Variants in USP53 observed in about 807,000 individuals in gnomAD.
USP53 encodes the protein ubiquitin carboxyl-terminal hydrolase 53.
USP53 carries 71 observed loss-of-function variants against 94.9 expected under a neutral mutation model. That is an observed-to-expected ratio of 0.75 (90% confidence interval 0.62 to 0.91). The LOEUF (loss-of-function observed/expected upper bound fraction) is 0.91. Among genes scored for constraint, USP53 ranks in the 40% least tolerant of loss-of-function variants. USP53 has a pLI of 0.00. For synonymous variants in USP53, 375 were observed against 422.7 expected (o/e 0.89, Z 1.39); for missense variants, 1,173 against 1,281.0 (o/e 0.92, Z 1.29).
chr4:119,226,773 G>A (rs1429891174), intron 3 of USP53, among the ~76,000 whole-genome samples: 3 of 151,980 alleles, frequency 2.0e-5, no homozygotes, highest in Non-Finnish European at 4.4e-5. Flanking sequence ...AATTACTTTT[G>A]GACCAACCTA....
rs1475875181 is a variant in USP53, at chr4:119,295,309, C to A, written c.*2098C>A. The A allele has an allele frequency of 6.6e-6, 1 of 151,946 alleles. No homozygotes were observed. Among genetic ancestry groups the A allele is most frequent in the Non-Finnish European group, 1.5e-5 (1 of 67,988 alleles). 9.4% of individuals were successfully genotyped at this position (151,946 alleles called of 1,614,324 possible). A position where few individuals can be genotyped will look rare whatever the true frequency, so the allele number is the denominator to read the frequency against. ...TACAGATTGATACATATATACTAAT[C>A]ATTTTATTTCATGTAAAAGTTTTAC... On this transcript the variant is annotated 3_prime_UTR_variant, in exon 19 of 19. Transcript: ENST00000692078.
At chr4:119,235,795 A>T (rs1235621429) in intron 4 of USP53, among the ~76,000 whole-genome samples, 1 of 152,132 alleles carries the variant, frequency 6.6e-6, no homozygotes, top group Non-Finnish European at 1.5e-5. Flanking sequence ...TGGCTTCTTC[A>T]TCCCTTTCCA....
At chr4:119,241,705 T>G (rs1747567991) in intron 5 of USP53, among the ~76,000 whole-genome samples, 1 of 152,172 alleles carries the variant, frequency 6.6e-6, no homozygotes, top group Admixed American at 6.5e-5. Flanking sequence ...TCTTCATGTT[T>G]CTTGTGTTTG....
rs1553961987 is a variant in USP53 at position 119,213,641 on chromosome 4, G to GAGATAT, written c.-941-428_-941-427insGATATA. ...CCGAAAGTTTCCTTATCTGGAAATA[G>GAGATAT]ATATATATATATATATATATGTGTG... On this transcript the variant is annotated intron_variant, in intron 1 of 18. Coordinates refer to ENST00000692078, the MANE Select transcript of USP53 (RefSeq NM_001371395.1). Among the ~76,000 whole-genome samples the GAGATAT allele has an allele frequency of 2.9e-3, 309 of 108,116 alleles. 14 individuals are homozygous for GAGATAT. The highest frequency in any genetic ancestry group is 0.012 in the African/African-American group (273 of 23,718). 70.9% of individuals were successfully genotyped at this position (108,116 alleles called of 152,430 possible).
At position 119,271,698 on chromosome 4, in the gene USP53, T is replaced by C. The variant is rs200159335; in HGVS notation, c.1838T>C (p.Ile613Thr). ...CATAGTCCAAGACATAAACCAAATA[T>C]CAGTAATAAGCCTAAATCTAGCAAG... ...RQHSPRHKPN[I>T]SNKPKSSKDP... The change falls in exon 16 of 19, where the codon ATC becomes ACC. Residue 613 changes from isoleucine (I) to threonine (T), a missense_variant. Physicochemically the swap from Ile to Thr is moderately conservative, Grantham distance 89 (BLOSUM62 -1). Transcript: ENST00000692078. The C allele has an allele frequency of 8.4e-5, 135 of 1,613,928 alleles. No homozygotes were observed. The African/African-American group carries it at 1.6e-3, about 19-fold the overall frequency.
At position 119,227,256 on chromosome 4, in the gene USP53, TACACAC is replaced by T. The variant is rs3138727; in HGVS notation, c.-664-7996_-664-7991del. Among the ~76,000 whole-genome samples the T allele has an allele frequency of 8.5e-3, 1,059 of 125,108 alleles. 11 individuals carry two copies. Among genetic ancestry groups the T allele is most frequent in the Middle Eastern group, 0.029 (7 of 238 alleles). 82.1% of individuals were successfully genotyped at this position (125,108 alleles called of 152,430 possible). On this transcript the variant is annotated intron_variant, in intron 3 of 18. Coordinates refer to ENST00000692078, the MANE Select transcript of USP53 (RefSeq NM_001371395.1). ...ATTAATCCAAAGCCTTGTCTAACAC[TACACAC>T]ACACACACACACACACACACACACA... is the stretch of plus-strand genomic sequence containing the variant.
chr4:119,268,324 G>GA lies in USP53; in HGVS notation c.1193dup (p.Asp398GlufsTer14), dbSNP rs1302089925. 1 of 1,613,824 alleles carries GA rather than the reference G, an allele frequency of 6.2e-7. No individual in the cohort carries two copies. The highest frequency in any genetic ancestry group is 1.7e-5 in the Admixed American group (1 of 59,958). ...TAATTTAAAAGAAAATGGATTTGGT[G>GA]ATCAGGCAAAGCAGAGAGAAAATCA... is the stretch of plus-strand genomic sequence containing the variant. On this transcript the variant is annotated frameshift_variant, in exon 14 of 19. Coordinates refer to ENST00000692078, the MANE Select transcript of USP53 (RefSeq NM_001371395.1). LOFTEE classifies it high-confidence loss of function.
chr4:119,248,043 T>A (rs1020028362), intron 6 of USP53, among the ~76,000 whole-genome samples: 3 of 152,174 alleles, frequency 2.0e-5, no homozygotes, highest in Admixed American at 2.0e-4. Context: ...CCAATACTAC[T>A]TTGGTGGGCT....
intron 7 of USP53, among the ~76,000 whole-genome samples, chr4:119,249,588 A>T (rs113699393): frequency 6.6e-6 from 1 of 150,638 alleles, no homozygotes; most frequent in Non-Finnish European, 1.5e-5. Flanking sequence ...TTAATTCCCT[A>T]CCACAACTTC....
At chr4:119,256,606 C>G in intron 9 of USP53, 83 bp downstream of exon 9, 1 of 1,383,582 alleles carries the variant, frequency 7.2e-7, no homozygotes, top group Non-Finnish European at 1.0e-6. Context: ...AAAATCATAG[C>G]ATACATGAAT....
chr4:119,234,737 T>C (rs1164097319), intron 3 of USP53, among the ~76,000 whole-genome samples: 1 of 152,216 alleles, frequency 6.6e-6, no homozygotes, highest in Non-Finnish European at 1.5e-5. Flanking sequence ...GGTTATAAAC[T>C]GTAGAGTAAA....
chr4:119,278,309 C>T (rs1361902670), intron 17 of USP53, among the ~76,000 whole-genome samples: 29 of 152,148 alleles, frequency 1.9e-4, no homozygotes, highest in South Asian at 2.1e-4. Flanking sequence ...GTGACAAAAT[C>T]GGTCAGCATT....
upstream of USP53, chr4:119,212,696 C>G: frequency 2.9e-6 from 1 of 342,904 alleles, no homozygotes; most frequent in South Asian, 2.2e-5. Context: ...GCGGCGGAGA[C>G]CAGCCGCCTG....
At chr4:119,231,072 T>C (rs532521772) in intron 3 of USP53, among the ~76,000 whole-genome samples, 274 of 152,288 alleles carry the variant, frequency 1.8e-3, no homozygotes, top group Non-Finnish European at 3.1e-3. Flanking sequence ...GAAGCAGTTA[T>C]ATAAAGTAGA....
chr4:119,251,289 T>A (rs956639568), intron 7 of USP53, among the ~76,000 whole-genome samples: 1 of 152,232 alleles, frequency 6.6e-6, no homozygotes, highest in Non-Finnish European at 1.5e-5. Flanking sequence ...CACATTTTCT[T>A]AATCCAGTCT....
Position 119,269,715 on chromosome 4 carries a change from G to T in USP53, c.1313G>T (p.Arg438Met). Residue 438 changes from arginine (R) to methionine (M), a missense_variant, in exon 15 of 19, where the codon AGG (arginine) becomes ATG (methionine). Transcript: ENST00000692078. The part of the protein sequence containing the change: ...GPAKLSHIDQ[R>M]EKIKDISREC... ...GCTAAGTTAAGTCACATTGATCAAA[G>T]GGAAAAGATAAAAGACATTTCCAGA... is the stretch of plus-strand genomic sequence containing the variant. 6.7e-7 allele frequency: 1 copy of T among 1,483,060 alleles called. No individual in the cohort carries two copies. 91.9% of individuals were successfully genotyped at this position (1,483,060 alleles called of 1,614,324 possible). A position where few individuals can be genotyped will look rare whatever the true frequency, so the allele number is the denominator to read the frequency against.
At chr4:119,234,458 C>T (rs1746470133) in intron 3 of USP53, among the ~76,000 whole-genome samples, 1 of 152,124 alleles carries the variant, frequency 6.6e-6, no homozygotes, top group Non-Finnish European at 1.5e-5. Context: ...TTTAAATTAT[C>T]TGTTTGTGTC....
intron 3 of USP53, among the ~76,000 whole-genome samples, chr4:119,227,206 G>A (rs1487825818): frequency 6.9e-6 from 1 of 145,290 alleles, no homozygotes; most frequent in East Asian, 2.1e-4. Context: ...AATGGTGCTG[G>A]AAAATTAGAT....
intron 12 of USP53, among the ~76,000 whole-genome samples, chr4:119,266,713 A>T (rs12642035): frequency 0.22 from 32,423 of 150,652 alleles, 3,982 homozygotes; most frequent in South Asian, 0.32. Flanking sequence ...TATGTTGCTT[A>T]TTTTTTTTCA....
Sources: gnomAD v4.1 joint callset for allele counts (sites outside exome capture counted in the v4.1 genomes callset) on GRCh38, gnomAD v4.1.1 for gene constraint, MANE v1.5 for transcripts, NCBI Gene and HGNC (gene_info 2026-07-23, HGNC 2026-07-21) for gene names.